The following LRCH1 variants were observed in gnomAD, a reference collection of about 807,000 sequenced individuals.
LRCH1 encodes the protein leucine rich repeats and calponin homology domain containing 1, also known as leucine-rich repeat and calponin homology domain-containing protein 1.
In LRCH1, 23 loss-of-function variants were observed where a neutral mutation model predicts 94.9. The ratio of observed to expected loss-of-function variants is 0.24; its 90% CI spans 0.17 to 0.34. The LOEUF is 0.34. Ranked by LOEUF, LRCH1 falls within the 10% of genes least tolerant of loss-of-function variation. The pLI, the probability that LRCH1 is intolerant of heterozygous loss-of-function variation, is 1.00. For missense variants in LRCH1, 790 were observed against 945.9 expected (o/e 0.84, Z 2.16); for synonymous variants, 364 against 354.9 (o/e 1.03, Z -0.29).
chr13:46,554,865 C>A (rs1330424542), intron 1 of LRCH1, among the ~76,000 whole-genome samples: 2 of 152,226 alleles, frequency 1.3e-5, no homozygotes, highest in Non-Finnish European at 2.9e-5. Flanking sequence ...CCTCATGGCC[C>A]AGGGTCAGAC....
At chr13:46,574,042 C>T (rs1179510524) in intron 1 of LRCH1, among the ~76,000 whole-genome samples, 17 of 151,018 alleles carry the variant, frequency 1.1e-4, no homozygotes, top group East Asian at 3.9e-4. Context: ...GACGGGGTTT[C>T]GCCATGTTGG....
intron 17 of LRCH1, among the ~76,000 whole-genome samples, chr13:46,726,330 A>G (rs1447178546): frequency 6.6e-6 from 1 of 152,222 alleles, no homozygotes; most frequent in Non-Finnish European, 1.5e-5. Flanking sequence ...GGGGCGCCAT[A>G]GTGATGAGCT....
chr13:46,662,054 T>C (rs1334159183), intron 2 of LRCH1, among the ~76,000 whole-genome samples: 3 of 152,044 alleles, frequency 2.0e-5, no homozygotes, highest in Non-Finnish European at 4.4e-5. Flanking sequence ...CTACTAAAAA[T>C]ACAAAAATTA....
rs556849428 is a variant in LRCH1 at position 46,651,961 on chromosome 13, C to G, written c.452+1616C>G. On this transcript the variant is annotated intron_variant, in intron 2 of 19. Coordinates refer to ENST00000389797, the MANE Select transcript of LRCH1 (RefSeq NM_001164211.2). Reference sequence around the variant, plus strand: ...GGAGTGCAGTGGCGCGATCTCGGCTCACTGCAAGCTCCGCCTCCCGGGTTC... The same window carrying G: ...GGAGTGCAGTGGCGCGATCTCGGCTGACTGCAAGCTCCGCCTCCCGGGTTC... 2.8e-5 allele frequency among the ~76,000 whole-genome samples: 4 copies of G among 145,070 alleles called. 1 individual carries two copies. In the East Asian group the frequency reaches 8.2e-4, roughly 30 times the overall value.
chr13:46,741,823 AC>A lies in LRCH1; in HGVS notation c.2269del (p.His757ThrfsTer50), dbSNP rs1390938996. 1 of 1,614,140 alleles carries A rather than the reference AC, an allele frequency of 6.2e-7. No homozygotes were observed. The highest frequency in any genetic ancestry group is 8.5e-7 in the Non-Finnish European group (1 of 1,180,034). On this transcript the variant is annotated frameshift_variant, in exon 20 of 20. Coordinates refer to ENST00000389797, the MANE Select transcript of LRCH1 (RefSeq NM_001164211.2). LOFTEE classifies it high-confidence loss of function. ...ILFIVLVYIT[Y>X]HWNALSA ...TTTATAGTGCTGGTCTATATCACTT[AC>A]CACTGGAATGCTCTGTCCGCATAAT...
chr13:46,732,139 G>C (rs1278248362), intron 18 of LRCH1, among the ~76,000 whole-genome samples: 1 of 152,194 alleles, frequency 6.6e-6, no homozygotes, highest in Admixed American at 6.5e-5. Context: ...CAGTGGATGA[G>C]AGCATCTTTT....
intron 19 of LRCH1, among the ~76,000 whole-genome samples, chr13:46,736,665 A>G (rs1001478024): frequency 2.6e-5 from 4 of 152,352 alleles, no homozygotes; most frequent in South Asian, 2.1e-4. Context: ...ATATTTGAGT[A>G]ATAAAATATT....
chr13:46,656,802 A>G (rs756529455), intron 2 of LRCH1, among the ~76,000 whole-genome samples: 1 of 152,180 alleles, frequency 6.6e-6, no homozygotes, highest in Non-Finnish European at 1.5e-5. Flanking sequence ...GTGCCTGTAA[A>G]ATTATGTCCA....
At chr13:46,579,342 T>C (rs958952097) in intron 1 of LRCH1, among the ~76,000 whole-genome samples, 2 of 152,210 alleles carry the variant, frequency 1.3e-5, no homozygotes, top group African/African-American at 2.4e-5. Flanking sequence ...TTAGTCGTTA[T>C]GAAAAGTGTA....
downstream of LRCH1, among the ~76,000 whole-genome samples, chr13:46,747,698 C>A (rs1873966653): frequency 6.6e-6 from 1 of 152,008 alleles, no homozygotes. Flanking sequence ...AGTGTTTTTC[C>A]TACTGATTTG....
At chr13:46,565,955 C>T (rs1467666072) in intron 1 of LRCH1, among the ~76,000 whole-genome samples, 1 of 151,736 alleles carries the variant, frequency 6.6e-6, no homozygotes, top group Non-Finnish European at 1.5e-5. Context: ...GAACCCTATT[C>T]CTGTGCCACG....
At chr13:46,602,621 CATT>C (rs1014403620) in intron 1 of LRCH1, among the ~76,000 whole-genome samples, 5 of 152,094 alleles carry the variant, frequency 3.3e-5, no homozygotes, top group African/African-American at 1.2e-4. Context: ...AAGTGCTCAA[CATT>C]ATTATTATTT....
At chr13:46,597,443 G>A (rs1212881581) in intron 1 of LRCH1, among the ~76,000 whole-genome samples, 10 of 151,722 alleles carry the variant, frequency 6.6e-5, no homozygotes, top group African/African-American at 2.4e-4. Flanking sequence ...TGCAACTTCC[G>A]CCTCCCGGGT....
At chr13:46,606,478 T>C (rs985347591) in intron 1 of LRCH1, among the ~76,000 whole-genome samples, 1 of 152,246 alleles carries the variant, frequency 6.6e-6, no homozygotes, top group Non-Finnish European at 1.5e-5. Context: ...TCCCCCCTTC[T>C]GTGTTGTTCC....
At chr13:46,564,083 G>A (rs907583319) in intron 1 of LRCH1, among the ~76,000 whole-genome samples, 2 of 152,266 alleles carry the variant, frequency 1.3e-5, no homozygotes, top group African/African-American at 4.8e-5. Context: ...TAAAGCTAAC[G>A]GTAGTTACAG....
intron 2 of LRCH1, among the ~76,000 whole-genome samples, chr13:46,659,668 T>C (rs2051420162): frequency 6.6e-6 from 1 of 152,110 alleles, no homozygotes; most frequent in Non-Finnish European, 1.5e-5. Flanking sequence ...CTGGGAAAGC[T>C]TGTTTGTGTG....
chr13:46,581,660 G>A (rs551341924), intron 1 of LRCH1, among the ~76,000 whole-genome samples: 11 of 152,262 alleles, frequency 7.2e-5, no homozygotes, highest in African/African-American at 2.2e-4. Context: ...GACCTATCAG[G>A]GGTTGAACCC....
chr13:46,699,081 C>G (rs940905093), intron 9 of LRCH1, among the ~76,000 whole-genome samples: 2 of 152,220 alleles, frequency 1.3e-5, no homozygotes, highest in Non-Finnish European at 2.9e-5. Context: ...GCTTATTGCA[C>G]GTAGCATAAT....
intron 2 of LRCH1, among the ~76,000 whole-genome samples, chr13:46,652,629 T>C (rs967897375): frequency 6.6e-6 from 1 of 152,168 alleles, no homozygotes; most frequent in Non-Finnish European, 1.5e-5. Context: ...TAAGTGTCTA[T>C]AGAATTTGGG....
Sources: gnomAD v4.1 joint callset for allele counts (sites outside exome capture counted in the v4.1 genomes callset) on GRCh38, gnomAD v4.1.1 for gene constraint, MANE v1.5 for transcripts, NCBI Gene and HGNC (gene_info 2026-07-23, HGNC 2026-07-21) for gene names.